ABCG2: variants seen among roughly 807,000 people sequenced by gnomAD.
The protein encoded by ABCG2 is broad substrate specificity ATP-binding cassette transporter ABCG2.
ABCG2 carries 80 observed loss-of-function variants against 73.5 expected under a neutral mutation model. That is an observed-to-expected ratio of 1.09 (90% CI 0.91 to 1.31). ABCG2 has a LOEUF of 1.31. ABCG2 is among the 50% of genes most tolerant of loss of function. The pLI is 0.00. For synonymous variants in ABCG2, 269 were observed against 282.4 expected (o/e 0.95, Z 0.48); for missense variants, 796 against 786.2 (o/e 1.01, Z -0.15).
chr4:88,113,501 T>C lies in ABCG2; in HGVS notation c.996A>G (p.Leu332=), dbSNP rs1392040261. 5 of 1,614,054 alleles carry C rather than the reference T, an allele frequency of 3.1e-6. No homozygotes were observed. The highest frequency in any genetic ancestry group is 4.2e-6 in the Non-Finnish European group (5 of 1,180,032). ...SKQDKPLIEK[L]AEIYVNSSFY... is the part of the protein sequence containing the mutation. ...AGGAGGAGTTGACATAAATCTCCGC[T>C]AATTTTTCTATGAGTGGCTTATCCT... The change falls in exon 9 of 16, where the codon TTA becomes TTG. Residue 332 remains leucine, a synonymous_variant. Transcript: ENST00000237612.
intron 9 of ABCG2, among the ~76,000 whole-genome samples, chr4:88,109,990 C>T (rs967046881): frequency 3.3e-5 from 5 of 152,254 alleles, no homozygotes; most frequent in Non-Finnish European, 7.4e-5. Flanking sequence ...CACTCTGTCA[C>T]TCAGGCTGGA....
intron 1 of ABCG2, among the ~76,000 whole-genome samples, chr4:88,143,944 A>G (rs1431595023): frequency 6.6e-6 from 1 of 152,248 alleles, no homozygotes; most frequent in Non-Finnish European, 1.5e-5. Flanking sequence ...TGAATATAGT[A>G]TTCTGGGTTT....
At chr4:88,189,257 A>G (rs1159317118) in intron 1 of ABCG2, among the ~76,000 whole-genome samples, 1 of 152,110 alleles carries the variant, frequency 6.6e-6, no homozygotes, top group Non-Finnish European at 1.5e-5. Context: ...ATAAAATGCA[A>G]CTAGGCCAGG....
chr4:88,142,446 G>A (rs1163415431), intron 1 of ABCG2, among the ~76,000 whole-genome samples: 1 of 152,052 alleles, frequency 6.6e-6, no homozygotes, highest in Non-Finnish European at 1.5e-5. Flanking sequence ...CTATTCATTT[G>A]GAGTCTGGAA....
At chr4:88,184,836 C>T (rs1728387851) in intron 1 of ABCG2, among the ~76,000 whole-genome samples, 1 of 152,134 alleles carries the variant, frequency 6.6e-6, no homozygotes, top group Admixed American at 6.5e-5. Context: ...TGGCAAGGTA[C>T]TGACATAAAA....
At chr4:88,204,370 G>T (rs777167065) in intron 1 of ABCG2, among the ~76,000 whole-genome samples, 1 of 152,144 alleles carries the variant, frequency 6.6e-6, no homozygotes, top group Non-Finnish European at 1.5e-5. Context: ...GCAGTGAGCC[G>T]AGATCGTGCC....
At chr4:88,096,446 T>C (rs954998424) in intron 13 of ABCG2, among the ~76,000 whole-genome samples, 11 of 152,182 alleles carry the variant, frequency 7.2e-5, no homozygotes, top group Non-Finnish European at 2.9e-5. Context: ...CTTTAAATAA[T>C]AATAAATCAA....
intron 6 of ABCG2, among the ~76,000 whole-genome samples, chr4:88,120,049 C>G (rs1446572328): frequency 6.6e-6 from 1 of 152,112 alleles, no homozygotes; most frequent in East Asian, 1.9e-4. Flanking sequence ...AAATGGTTTC[C>G]TAGGCCAGGC....
In ABCG2 at chr4:88,094,574, T is replaced by TA; in HGVS notation, c.1820+2dup. 3 of 1,612,668 alleles carry TA rather than the reference T, an allele frequency of 1.9e-6. No individual in the cohort carries two copies. Among genetic ancestry groups the TA allele is most frequent in the Non-Finnish European group, 2.5e-6 (3 of 1,178,660 alleles). Reference sequence around the variant, plus strand: ...CCCATTTTGACACTGAACAAAAACTTACGTTGCATAGTTACAAGGATTGTT... The same window carrying TA: ...CCCATTTTGACACTGAACAAAAACTTAACGTTGCATAGTTACAAGGATTGTT... On this transcript the variant is annotated splice_region_variant and intron_variant, in intron 15 of 15. Coordinates refer to ENST00000237612, the MANE Select transcript of ABCG2 (RefSeq NM_004827.3).
intron 1 of ABCG2, among the ~76,000 whole-genome samples, chr4:88,197,211 C>A (rs80206209): frequency 7.3e-4 from 93 of 126,534 alleles, no homozygotes; most frequent in South Asian, 1.6e-3. Flanking sequence ...AAAAAAAAAA[C>A]AAGGCATACT....
intron 1 of ABCG2, among the ~76,000 whole-genome samples, chr4:88,152,902 G>A (rs1433144710): frequency 6.6e-6 from 1 of 152,110 alleles, no homozygotes; most frequent in Non-Finnish European, 1.5e-5. Flanking sequence ...TAAGCTGAAG[G>A]AAGATTTTGT....
chr4:88,119,007 G>C (rs1723780321), intron 6 of ABCG2, among the ~76,000 whole-genome samples: 1 of 152,190 alleles, frequency 6.6e-6, no homozygotes. Flanking sequence ...AGGTTTGGCT[G>C]TGTGCCCACC....
chr4:88,171,994 C>T (rs1173116826), intron 1 of ABCG2, among the ~76,000 whole-genome samples: 2 of 150,928 alleles, frequency 1.3e-5, no homozygotes, highest in Non-Finnish European at 3.0e-5. Flanking sequence ...AAGACCCCAT[C>T]TCTAAAATAA....
At chr4:88,132,858 C>G (rs1197708936) in intron 2 of ABCG2, among the ~76,000 whole-genome samples, 1 of 151,018 alleles carries the variant, frequency 6.6e-6, no homozygotes, top group African/African-American at 2.4e-5. Context: ...TGCCTGAGGC[C>G]AGGAGTTTGA....
At chr4:88,102,192 T>G (rs1383150363) in intron 10 of ABCG2, among the ~76,000 whole-genome samples, 5 of 152,090 alleles carry the variant, frequency 3.3e-5, no homozygotes, top group Non-Finnish European at 2.9e-5. Flanking sequence ...GTTTCCAGAG[T>G]GCTCAGAGGA....
At chr4:88,126,554 C>T (rs1473203874) in intron 5 of ABCG2, among the ~76,000 whole-genome samples, 1 of 152,182 alleles carries the variant, frequency 6.6e-6, no homozygotes, top group African/African-American at 2.4e-5. Flanking sequence ...CTGAATCCAG[C>T]AGCATATCAA....
At chr4:88,155,897 A>G (rs1367304867) in intron 1 of ABCG2, among the ~76,000 whole-genome samples, 3 of 151,996 alleles carry the variant, frequency 2.0e-5, no homozygotes, top group African/African-American at 4.8e-5. Flanking sequence ...GCAAGACTCC[A>G]TCTCAAAAAA....
At chr4:88,196,392 A>G (rs987587014) in intron 1 of ABCG2, among the ~76,000 whole-genome samples, 3 of 152,216 alleles carry the variant, frequency 2.0e-5, no homozygotes, top group South Asian at 4.1e-4. Context: ...TTTAACCACA[A>G]TTACCAGAAT....
chr4:88,228,366 C>T (rs1174401761), intron 1 of ABCG2, among the ~76,000 whole-genome samples: 3 of 152,094 alleles, frequency 2.0e-5, no homozygotes, highest in Non-Finnish European at 2.9e-5. Context: ...ATGTATGTCT[C>T]TAAAGTCATC....
Sources: allele counts gnomAD v4.1 joint callset (sites outside exome capture counted in the v4.1 genomes callset), GRCh38; gene constraint gnomAD v4.1.1; transcripts MANE v1.5; gene names NCBI Gene and HGNC (gene_info 2026-07-23, HGNC 2026-07-21).